The following DPP6 variants were observed in gnomAD, a reference collection of about 807,000 sequenced individuals.
DPP6 encodes A-type potassium channel modulatory protein DPP6.
A neutral mutation model predicts 122.6 loss-of-function variants in DPP6; 69 were observed. That is an observed-to-expected ratio of 0.56 (90% CI 0.46 to 0.69). The LOEUF (loss-of-function observed/expected upper bound fraction) is 0.69, where lower values mean the gene tolerates loss of function less well. Ranked by LOEUF, DPP6 falls within the 30% of genes least tolerant of loss-of-function variation. The pLI, the probability that DPP6 is intolerant of heterozygous loss-of-function variation, is 0.00. For synonymous variants in DPP6, 418 were observed against 433.1 expected, an observed-to-expected ratio of 0.97 and a Z score of 0.43; for missense variants, 928 against 1,116.9, an observed-to-expected ratio of 0.83 and a Z score of 2.41.
In DPP6 at chr7:154,853,803, G is replaced by A; in HGVS notation, c.1690G>A (p.Val564Met). Reference sequence around the variant, plus strand: ...AGGTCCTGGTGTTCCTATGGTGACGGTGCACAACACAACAGATAAGAAAAG... The same window carrying A: ...AGGTCCTGGTGTTCCTATGGTGACGATGCACAACACAACAGATAAGAAAAG... ...CEGPGVPMVT[V>M]HNTTDKKKMF... Residue 564 changes from valine to methionine, a missense_variant, in exon 17 of 26, where the codon GTG (valine) becomes ATG (methionine). Physicochemically the swap from Val to Met is conservative, Grantham distance 21. Transcript: ENST00000377770. 2 of 1,613,864 alleles carry A rather than the reference G, an allele frequency of 1.2e-6. No homozygotes were observed. Among genetic ancestry groups the A allele is most frequent in the Non-Finnish European group, 1.7e-6 (2 of 1,179,820 alleles).
chr7:153,999,638 C>T (rs1000078752), intron 1 of DPP6, among the ~76,000 whole-genome samples: 2 of 152,118 alleles, frequency 1.3e-5, no homozygotes, highest in African/African-American at 4.8e-5. Flanking sequence ...TCTTTAACTT[C>T]AGTTTGGCTG....
intron 1 of DPP6, chr7:154,027,155 A>T (rs1428089773): frequency 4.7e-5 from 7 of 148,876 alleles, no homozygotes; most frequent in Admixed American, 2.7e-4. Flanking sequence ...GAGTACTTTT[A>T]AAAAATATGA....
intron 7 of DPP6, among the ~76,000 whole-genome samples, chr7:154,725,255 T>G (rs77729952): frequency 0.016 from 2,370 of 152,168 alleles, 62 homozygotes; most frequent in African/African-American, 0.054. Context: ...CTAGGAAAAA[T>G]TGGATTGCAA....
In DPP6 at chr7:154,508,415, T is replaced by G. The variant is rs185726239; in HGVS notation, c.458-32117T>G. 9.5e-3 allele frequency among the ~76,000 whole-genome samples: 1,452 copies of G among 152,228 alleles called. 15 individuals carry two copies. Among genetic ancestry groups the G allele is most frequent in the African/African-American group, 0.032 (1,329 of 41,540 alleles). On this transcript the variant is annotated intron_variant, in intron 3 of 25. Coordinates refer to ENST00000377770, the MANE Select transcript of DPP6 (RefSeq NM_130797.4). The stretch of plus-strand genomic sequence containing the variant: ...TGGTATCTATAAGGGCTCAAATTCC[T>G]CCATCGGATACTCTGTATCTTGATG...
At position 153,928,396 on chromosome 7, in the gene DPP6, ATTTTTTTTT is replaced by A. The variant is rs71182854; in HGVS notation, c.51+40679_51+40687del. 8.7e-4 allele frequency among the ~76,000 whole-genome samples: 38 copies of A among 43,700 alleles called. 3 individuals carry two copies. Among genetic ancestry groups the A allele is most frequent in the Admixed American group, 1.6e-3 (4 of 2,484 alleles). 28.7% of individuals were successfully genotyped at this position (43,700 alleles called of 152,430 possible). On this transcript the variant is annotated intron_variant, in intron 1 of 25. Transcript: ENST00000404039. ...CTGGCTAATTTTTTTCTTTTCTTTC[ATTTTTTTTT>A]TTTTTTTTTTTTTTTTGGTAGAGAC...
chr7:154,058,293 T>G (rs1310333900), intron 1 of DPP6: 2 of 115,920 alleles, frequency 1.7e-5, no homozygotes, highest in Non-Finnish European at 1.8e-5. Flanking sequence ...TCTTCCCCCC[T>G]TTGCTCTTAG....
intron 16 of DPP6, among the ~76,000 whole-genome samples, chr7:154,847,242 C>T (rs978182549): frequency 7.9e-5 from 12 of 152,108 alleles, no homozygotes; most frequent in Admixed American, 5.2e-4. Context: ...ATGTCAAGAC[C>T]GTACCAAATA....
At chr7:153,960,235 TA>T (rs1795275898) in intron 1 of DPP6, among the ~76,000 whole-genome samples, 2 of 152,202 alleles carry the variant, frequency 1.3e-5, no homozygotes, top group Admixed American at 1.3e-4. Context: ...CTTACTTTCA[TA>T]AAAGGTTCTC....
intron 1 of DPP6, among the ~76,000 whole-genome samples, chr7:153,967,093 TAAAA>T (rs372253796): frequency 5.5e-5 from 8 of 146,642 alleles, no homozygotes; most frequent in Admixed American, 4.7e-4. Context: ...ACACAAAAGA[TAAAA>T]AAAAAATCTC....
At chr7:154,060,211 C>T (rs1373867308) in intron 1 of DPP6, among the ~76,000 whole-genome samples, 2 of 146,388 alleles carry the variant, frequency 1.4e-5, no homozygotes, top group Admixed American at 6.7e-5. Flanking sequence ...AGAGCGAGCC[C>T]CTCTTCCCCC....
rs560970069 is a variant in DPP6, at chr7:154,385,482, G to T, written c.244-60732G>T. 2.0e-5 allele frequency among the ~76,000 whole-genome samples: 3 copies of T among 152,258 alleles called. No homozygotes were observed. The South Asian group carries it at 6.2e-4, about 32-fold the overall frequency. ...GCCCATTCATCTCTGTGAGACTAAA[G>T]TCCCTCATCTGTCAATCAAGATGCT... On this transcript the variant is annotated intron_variant, in intron 1 of 25. Coordinates refer to ENST00000377770, the MANE Select transcript of DPP6 (RefSeq NM_130797.4).
At chr7:153,863,146 T>G in the DPP6 span, among the ~76,000 whole-genome samples, 1 of 152,362 alleles carries the variant, frequency 6.6e-6, no homozygotes, top group East Asian at 1.9e-4. Context: ...CTACCCATCA[T>G]GTATTGCCTT....
intron 1 of DPP6, among the ~76,000 whole-genome samples, chr7:153,913,451 C>G (rs1156980432): frequency 6.6e-6 from 1 of 152,178 alleles, no homozygotes; most frequent in African/African-American, 2.4e-5. Context: ...CTTCATGTTT[C>G]TGTAAGCTGC....
chr7:154,006,922 C>A (rs1315184055), intron 1 of DPP6, among the ~76,000 whole-genome samples: 1 of 152,236 alleles, frequency 6.6e-6, no homozygotes, highest in East Asian at 1.9e-4. Flanking sequence ...AGATGAGAAG[C>A]TACCTCCCCC....
intron 1 of DPP6, among the ~76,000 whole-genome samples, chr7:154,363,232 G>A (rs567325665): frequency 4.6e-5 from 7 of 152,180 alleles, no homozygotes; most frequent in Non-Finnish European, 1.0e-4. Context: ...GGGCTCTGTT[G>A]AGCCTTTTGA....
At chr7:153,879,067 C>T in the DPP6 span, among the ~76,000 whole-genome samples, 1 of 152,276 alleles carries the variant, frequency 6.6e-6, no homozygotes, top group Admixed American at 6.5e-5. Context: ...AACTTGGATA[C>T]TTCCCTAATA....
intron 1 of DPP6, among the ~76,000 whole-genome samples, chr7:153,890,759 G>A (rs546698173): frequency 2.4e-5 from 3 of 125,604 alleles, no homozygotes; most frequent in African/African-American, 9.5e-5. Context: ...GTGCAGTAGC[G>A]CAATCTCAGT....
chr7:154,783,806 G>A (rs1012744009), intron 10 of DPP6, among the ~76,000 whole-genome samples: 7 of 152,050 alleles, frequency 4.6e-5, no homozygotes, highest in African/African-American at 9.7e-5. Context: ...GGAGCTCCCC[G>A]CCTGGCCAAC....
At chr7:154,545,564 T>C (rs1829121730) in intron 4 of DPP6, among the ~76,000 whole-genome samples, 1 of 151,418 alleles carries the variant, frequency 6.6e-6, no homozygotes, top group Non-Finnish European at 1.5e-5. Flanking sequence ...TACATTTTGC[T>C]GAACTAAATA....
Sources: gnomAD v4.1 joint callset for allele counts (sites outside exome capture counted in the v4.1 genomes callset) on GRCh38, gnomAD v4.1.1 for gene constraint, MANE v1.5 for transcripts, NCBI Gene and HGNC (gene_info 2026-07-23, HGNC 2026-07-21) for gene names.